Variants in RAPGEF1 observed in about 807,000 individuals in gnomAD.
The protein encoded by RAPGEF1 is Rap guanine nucleotide exchange factor 1.
A neutral mutation model predicts 143.3 loss-of-function variants in RAPGEF1; 33 were observed. That is an observed-to-expected ratio of 0.23 (90% CI 0.17 to 0.31). The LOEUF (loss-of-function observed/expected upper bound fraction) is 0.31. Ranked by LOEUF, RAPGEF1 falls within the 10% of genes least tolerant of loss-of-function variation. The pLI, the probability that RAPGEF1 is intolerant of heterozygous loss-of-function variation, is 1.00. For missense variants in RAPGEF1, 1,199 were observed against 1,645.4 expected, an observed-to-expected ratio of 0.73 and a Z score of 4.69; for synonymous variants, 629 against 676.5, an observed-to-expected ratio of 0.93 and a Z score of 1.09.
At chr9:131,683,009 T>C (rs1455409353) in intron 1 of RAPGEF1, among the ~76,000 whole-genome samples, 1 of 152,174 alleles carries the variant, frequency 6.6e-6, no homozygotes, top group Non-Finnish European at 1.5e-5. Context: ...TCTGTACCTA[T>C]AAATTTATGG....
chr9:131,590,266 C>T (rs573826716), intron 18 of RAPGEF1, among the ~76,000 whole-genome samples: 1 of 150,746 alleles, frequency 6.6e-6, no homozygotes, highest in African/African-American at 2.5e-5. Context: ...GGGTTCACCC[C>T]GAGGTGCCCA....
rs564301325 is a variant in RAPGEF1, at chr9:131,727,566, G to A, written c.61+12204C>T. Among the ~76,000 whole-genome samples the A allele has an allele frequency of 7.2e-5, 11 of 152,216 alleles. 1 individual carries two copies. The South Asian group carries it at 2.3e-3, about 32-fold the overall frequency. Reference sequence around the variant, plus strand: ...TCACCCAAAGATGCCACAGGTCCAGGCATTTCTGGTGATCATGACTCACAC... The same window carrying A: ...TCACCCAAAGATGCCACAGGTCCAGACATTTCTGGTGATCATGACTCACAC... On this transcript the variant is annotated intron_variant, in intron 1 of 26. Transcript: ENST00000683357.
intron 12 of RAPGEF1, among the ~76,000 whole-genome samples, chr9:131,612,604 C>T (rs1958198906): frequency 6.6e-6 from 1 of 152,148 alleles, no homozygotes; most frequent in Non-Finnish European, 1.5e-5. Context: ...CAGAGCTGGG[C>T]CTTTCTCTAT....
At chr9:131,586,096 G>A (rs1050453087) in intron 22 of RAPGEF1, among the ~76,000 whole-genome samples, 6 of 151,946 alleles carry the variant, frequency 3.9e-5, no homozygotes, top group East Asian at 3.9e-4. Flanking sequence ...GGAGAATGGC[G>A]TGAACCCGGG....
At position 131,603,979 on chromosome 9, in the gene RAPGEF1, C is replaced by G. The variant is rs1319069985; in HGVS notation, c.2394G>C (p.Glu798Asp). ...TACTTACTCCTCGAGAGGGAGCCAGCTCCTCGCTGCTCTGGCCAGAGGAAT... is the reference window on the plus strand; with the variant it reads ...TACTTACTCCTCGAGAGGGAGCCAGGTCCTCGCTGCTCTGGCCAGAGGAAT... ...NLYSSGQSSE[E>D]LAPSRGEPPA... Residue 798 changes from glutamate (E) to aspartate (D), a missense_variant, in exon 14 of 27, where the codon GAG becomes GAC. Physicochemically the swap from Glu to Asp is conservative, Grantham distance 45 (BLOSUM62 2). Coordinates refer to ENST00000683357, the MANE Select transcript of RAPGEF1 (RefSeq NM_001377935.1). The G allele has an allele frequency of 9.0e-6, 12 of 1,330,954 alleles. No individual in the cohort carries two copies. Among genetic ancestry groups the G allele is most frequent in the Non-Finnish European group, 1.2e-5 (12 of 1,002,214 alleles). The allele number at this position is 1,330,954 out of a possible 1,614,324, so 82.4% of individuals were successfully genotyped here.
chr9:131,681,672 G>C (rs138412156), intron 1 of RAPGEF1, among the ~76,000 whole-genome samples: 3 of 152,110 alleles, frequency 2.0e-5, no homozygotes, highest in African/African-American at 7.2e-5. Context: ...GCCCAACCTC[G>C]AATTAATATA....
chr9:131,673,080 A>G (rs1264090939), intron 1 of RAPGEF1, among the ~76,000 whole-genome samples: 1 of 152,202 alleles, frequency 6.6e-6, no homozygotes, highest in Non-Finnish European at 1.5e-5. Flanking sequence ...TGTGCTGGGA[A>G]AAAAAGTGCT....
chr9:131,737,275 C>G, intron 1 of RAPGEF1: 40 of 1,417,224 alleles, frequency 2.8e-5, no homozygotes, highest in Non-Finnish European at 3.8e-5. Flanking sequence ...CTGGTCAGCC[C>G]CTTCCCCTCT....
In RAPGEF1 at chr9:131,588,781, T is replaced by C; in HGVS notation, c.3053+20A>G. The C allele has an allele frequency of 6.2e-7, 1 of 1,601,558 alleles. No homozygotes were observed. The highest frequency in any genetic ancestry group is 8.5e-7 in the Non-Finnish European group (1 of 1,173,996). On this transcript the variant is annotated intron_variant, in intron 20 of 26. Transcript: ENST00000683357. ...ACGGCTCCTGGGGAAGAGGCAGGGCTGGAGAGGTGGGCTTCTCACCTGGCT... is the reference window on the plus strand; with the variant it reads ...ACGGCTCCTGGGGAAGAGGCAGGGCCGGAGAGGTGGGCTTCTCACCTGGCT...
chr9:131,687,645 C>T (rs1833461684), intron 1 of RAPGEF1, among the ~76,000 whole-genome samples: 2 of 152,178 alleles, frequency 1.3e-5, no homozygotes, highest in South Asian at 2.1e-4. Context: ...GGCAATGCAG[C>T]CACTTGTACA....
chr9:131,600,871 T>C (rs140361263), intron 15 of RAPGEF1, among the ~76,000 whole-genome samples: 2 of 152,174 alleles, frequency 1.3e-5, no homozygotes, highest in African/African-American at 2.4e-5. Flanking sequence ...TATTGAAAAA[T>C]GTGGCCAGGC....
At chr9:131,718,749 T>C (rs1486742695) in intron 1 of RAPGEF1, among the ~76,000 whole-genome samples, 1 of 151,878 alleles carries the variant, frequency 6.6e-6, no homozygotes, top group Non-Finnish European at 1.5e-5. Context: ...GAACCAAGAG[T>C]TCTGGTTCAG....
intron 1 of RAPGEF1, among the ~76,000 whole-genome samples, chr9:131,708,729 T>TCTTCTTTC (rs1554730642): frequency 1.3e-5 from 2 of 150,474 alleles, no homozygotes; most frequent in African/African-American, 2.4e-5. Flanking sequence ...GGATATTTCT[T>TCTTCTTTC]TTTCTTTCTT....
chr9:131,666,111 G>T (rs1830387293), intron 1 of RAPGEF1, among the ~76,000 whole-genome samples: 2 of 152,200 alleles, frequency 1.3e-5, no homozygotes, highest in South Asian at 2.1e-4. Context: ...ACACCAGATG[G>T]TAATATCAGA....
chr9:131,676,781 C>G (rs1315656567), intron 1 of RAPGEF1, among the ~76,000 whole-genome samples: 5 of 152,250 alleles, frequency 3.3e-5, no homozygotes. Flanking sequence ...CATAATTTCT[C>G]TAAGCCTCTT....
intron 1 of RAPGEF1, among the ~76,000 whole-genome samples, chr9:131,738,713 A>C (rs1443810303): frequency 6.6e-6 from 1 of 152,210 alleles, no homozygotes; most frequent in Non-Finnish European, 1.5e-5. Context: ...ATATATAGTA[A>C]ACCCTCAATA....
chr9:131,724,771 T>C (rs970636780), intron 1 of RAPGEF1, among the ~76,000 whole-genome samples: 1 of 148,076 alleles, frequency 6.8e-6, no homozygotes, highest in African/African-American at 2.6e-5. Flanking sequence ...CCACAGGAAA[T>C]GTCAAGGTCC....
rs543544367 is a variant in RAPGEF1, at chr9:131,585,365, G to A, written c.3234-769C>T. ...TTGGCTAATTTTAATTTTTTGTAGG[G>A]GGGGGGCGTCTCTCTATGTTGTCCA... On this transcript the variant is annotated intron_variant, in intron 22 of 26. Coordinates refer to ENST00000683357, the MANE Select transcript of RAPGEF1 (RefSeq NM_001377935.1). Among the ~76,000 whole-genome samples, 420 of 148,838 alleles carry A rather than the reference G, an allele frequency of 2.8e-3. 1 individual carries two copies. The highest frequency in any genetic ancestry group is 4.4e-3 in the Non-Finnish European group (301 of 67,912).
At chr9:131,652,024 GA>G in intron 1 of RAPGEF1, among the ~76,000 whole-genome samples, 1 of 152,302 alleles carries the variant, frequency 6.6e-6, no homozygotes, top group African/African-American at 2.4e-5. Context: ...TTCCACCTGT[GA>G]AAGGCACTAT....
Sources: allele counts gnomAD v4.1 joint callset (sites outside exome capture counted in the v4.1 genomes callset), GRCh38; gene constraint gnomAD v4.1.1; transcripts MANE v1.5; gene names NCBI Gene and HGNC (gene_info 2026-07-23, HGNC 2026-07-21).